The following TACC2 variants were observed in gnomAD, a reference collection of about 807,000 sequenced individuals.
The protein encoded by TACC2 is transforming acidic coiled-coil containing protein 2.
A neutral mutation model predicts 227.3 loss-of-function variants in TACC2; 137 were observed. That is an observed-to-expected ratio of 0.60 (90% CI 0.52 to 0.69). TACC2 has a LOEUF of 0.69. Ranked by LOEUF, TACC2 falls within the 30% of genes least tolerant of loss-of-function variation. The pLI, the probability that TACC2 is intolerant of heterozygous loss-of-function variation, is 0.00. For missense variants in TACC2, 3,470 were observed against 3,694.4 expected (o/e 0.94, Z 1.57); for synonymous variants, 1,523 against 1,487.5 (o/e 1.02, Z -0.55).
intron 5 of TACC2, among the ~76,000 whole-genome samples, chr10:122,105,927 A>G (rs1158336269): frequency 7.1e-6 from 1 of 140,644 alleles, no homozygotes; most frequent in Non-Finnish European, 1.5e-5. Flanking sequence ...CTGGCCTGTC[A>G]TAAACATTTT....
intron 5 of TACC2, among the ~76,000 whole-genome samples, chr10:122,094,430 C>T (rs974794736): frequency 1.3e-5 from 2 of 152,124 alleles, no homozygotes; most frequent in Non-Finnish European, 2.9e-5. Context: ...AGGTGCGCGC[C>T]ACTACACCTA....
In TACC2 at chr10:122,121,167, C is replaced by T. The variant is rs530923475; in HGVS notation, c.5574-11442C>T. On this transcript the variant is annotated intron_variant, in intron 5 of 22. Transcript: ENST00000369005. Reference sequence around the variant, plus strand: ...CTCACACCTGGATGTGCAGGAGAGGCGGGAGGGAGGGTCATGTGTACTTTG... The same window carrying T: ...CTCACACCTGGATGTGCAGGAGAGGTGGGAGGGAGGGTCATGTGTACTTTG... 5.5e-4 allele frequency among the ~76,000 whole-genome samples: 83 copies of T among 152,206 alleles called. No individual in the cohort carries two copies. In the Middle Eastern group the frequency reaches 0.014, roughly 25 times the overall value.
At chr10:122,010,323 T>C (rs1955766205) in intron 1 of TACC2, among the ~76,000 whole-genome samples, 1 of 151,192 alleles carries the variant, frequency 6.6e-6, no homozygotes, top group African/African-American at 2.4e-5. Flanking sequence ...ATGTCTGAGT[T>C]TTTGTGGGTT....
At chr10:122,048,982 A>G (rs1309457060) in intron 2 of TACC2, among the ~76,000 whole-genome samples, 2 of 152,258 alleles carry the variant, frequency 1.3e-5, no homozygotes, top group Non-Finnish European at 2.9e-5. Flanking sequence ...CAGAATTTTT[A>G]CTATGCTAAT....
At chr10:122,082,459 G>A (rs1023594818) in intron 3 of TACC2, among the ~76,000 whole-genome samples, 188 bp from the exon 4 acceptor site, 2 of 152,046 alleles carry the variant, frequency 1.3e-5, no homozygotes, top group African/African-American at 2.4e-5. Context: ...GGAAACGAGG[G>A]CATGCATAAT....
At chr10:122,090,459 A>C (rs1295439298) in intron 5 of TACC2, among the ~76,000 whole-genome samples, 2 of 148,802 alleles carry the variant, frequency 1.3e-5, no homozygotes, top group Non-Finnish European at 3.0e-5. Context: ...AGGCAGGAGA[A>C]TGGCGTGAAC....
chr10:122,199,444 T>G (rs935263051), intron 8 of TACC2, among the ~76,000 whole-genome samples: 4 of 152,218 alleles, frequency 2.6e-5, no homozygotes, highest in Admixed American at 1.3e-4. Context: ...AAAGAGGCCA[T>G]ACGTGGGTGC....
At chr10:122,226,940 C>A (rs1318148431) in intron 13 of TACC2, among the ~76,000 whole-genome samples, 4 of 152,154 alleles carry the variant, frequency 2.6e-5, no homozygotes, top group Non-Finnish European at 5.9e-5. Flanking sequence ...AGCTCGAATC[C>A]CACCTGTACC....
intron 5 of TACC2, among the ~76,000 whole-genome samples, chr10:122,117,447 G>A (rs1397372703): frequency 5.9e-5 from 9 of 151,998 alleles, no homozygotes; most frequent in African/African-American, 1.9e-4. Context: ...TGCCCAGCTC[G>A]GCCTCCCAAA....
chr10:122,192,094 C>T (rs916314166), intron 7 of TACC2, among the ~76,000 whole-genome samples: 1 of 152,230 alleles, frequency 6.6e-6, no homozygotes, highest in Non-Finnish European at 1.5e-5. Context: ...TTGCTGTCTG[C>T]TCCCAAGAGA....
chr10:122,082,543 G>A (rs565358188), intron 3 of TACC2, 104 bp from the exon 4 acceptor site: 2 of 1,288,198 alleles, frequency 1.6e-6, no homozygotes, highest in African/African-American at 3.0e-5. Context: ...TGTGGTTAGG[G>A]CACTTGATGC....
At chr10:122,219,195 G>A (rs1022217674) in intron 11 of TACC2, among the ~76,000 whole-genome samples, 7 of 151,476 alleles carry the variant, frequency 4.6e-5, no homozygotes, top group Non-Finnish European at 8.8e-5. Context: ...TGTAGACCCC[G>A]CCTGCTGGAA....
At chr10:121,998,029 C>A (rs540748051) in intron 1 of TACC2, among the ~76,000 whole-genome samples, 1 of 152,066 alleles carries the variant, frequency 6.6e-6, no homozygotes, top group South Asian at 2.1e-4. Context: ...GAAGACTCCT[C>A]GGCTGGGCAC....
intron 1 of TACC2, among the ~76,000 whole-genome samples, chr10:122,000,676 T>G (rs1488849400): frequency 6.6e-6 from 1 of 152,228 alleles, no homozygotes; most frequent in Non-Finnish European, 1.5e-5. Flanking sequence ...AGCATCCTTA[T>G]GTACCCATTA....
chr10:121,991,900 A>G (rs1953041728), intron 1 of TACC2, among the ~76,000 whole-genome samples: 1 of 152,186 alleles, frequency 6.6e-6, no homozygotes, highest in South Asian at 2.1e-4. Context: ...AAGGAGGAGC[A>G]AGTCACATCT....
At chr10:122,043,546 G>C (rs970269672) in intron 2 of TACC2, among the ~76,000 whole-genome samples, 10 of 38,760 alleles carry the variant, frequency 2.6e-4, no homozygotes, top group Admixed American at 6.4e-4. Flanking sequence ...CTCTCTCTCT[G>C]TCTCTCTGTC....
intron 14 of TACC2, among the ~76,000 whole-genome samples, chr10:122,228,533 C>T (rs1052289982): frequency 5.9e-5 from 9 of 152,210 alleles, no homozygotes; most frequent in Non-Finnish European, 8.8e-5. Flanking sequence ...TGGCCTTGTG[C>T]ATTCCCCAAA....
chr10:122,211,061 G>A lies in TACC2; in HGVS notation c.6636G>A (p.Gly2212=), dbSNP rs368777371. Residue 2212 remains glycine, a synonymous_variant, in exon 9 of 23, where the codon GGG becomes GGA. Transcript: ENST00000369005. The part of the protein sequence containing the change: ...ACPLDSESAE[G]VVPPASGGGR... Reference sequence around the variant, plus strand: ...CTCTGGACTCAGAGAGTGCAGAAGGGGTTGTCCCCCCGGCTTCTGGAGGTG... The same window carrying A: ...CTCTGGACTCAGAGAGTGCAGAAGGAGTTGTCCCCCCGGCTTCTGGAGGTG... 46 of 1,612,484 alleles carry A rather than the reference G, an allele frequency of 2.9e-5. 1 individual carries two copies. Among genetic ancestry groups the A allele is most frequent in the Non-Finnish European group, 3.8e-5 (45 of 1,179,420 alleles).
chr10:122,204,910 C>T (rs1170102706), intron 8 of TACC2, among the ~76,000 whole-genome samples: 2 of 152,044 alleles, frequency 1.3e-5, no homozygotes, highest in African/African-American at 2.4e-5. Context: ...CTGTCTGAAC[C>T]GCCCGCACAG....
Sources: allele counts gnomAD v4.1 joint callset (sites outside exome capture counted in the v4.1 genomes callset), GRCh38; gene constraint gnomAD v4.1.1; transcripts MANE v1.5; gene names NCBI Gene and HGNC (gene_info 2026-07-23, HGNC 2026-07-21).